KRT28: variants seen among roughly 807,000 people sequenced by gnomAD.
The protein encoded by KRT28 is keratin, type I cytoskeletal 28.
A neutral mutation model predicts 48.1 loss-of-function variants in KRT28; 45 were observed. The observed-to-expected ratio is 0.94, with a 90% CI of 0.74 to 1.20. The LOEUF is 1.20. Ranked by LOEUF, KRT28 falls within the 50% of genes most tolerant of loss-of-function variation. KRT28 has a pLI of 0.00. For synonymous variants in KRT28, 228 were observed against 227.4 expected (o/e 1.00, Z -0.03); for missense variants, 571 against 574.1 (o/e 0.99, Z 0.06).
In KRT28 at chr17:40,796,974, G is replaced by A; in HGVS notation, c.920C>T (p.Thr307Ile). ...GGTCTGCAGGGTGCGCCTCATCTCG[G>A]TGAGCTGGCTCCGGGCGAAAGTGGC... ...GAATFARSQL[T>I]EMRRTLQTLE... Residue 307 changes from threonine (T) to isoleucine (I), a missense_variant, in exon 5 of 8, where the codon ACC becomes ATC. Coordinates refer to ENST00000306658, the MANE Select transcript of KRT28 (RefSeq NM_181535.3). 1 of 1,613,054 alleles carries A rather than the reference G, an allele frequency of 6.2e-7. No individual in the cohort carries two copies. Among genetic ancestry groups the A allele is most frequent in the Non-Finnish European group, 8.5e-7 (1 of 1,179,834 alleles).
intron 4 of KRT28, 23 bp downstream of exon 4, chr17:40,797,097 C>CA: frequency 6.2e-7 from 1 of 1,612,252 alleles, no homozygotes; most frequent in Non-Finnish European, 8.5e-7. Context: ...GAGGTGTGAG[C>CA]AGGGAGACGG....
chr17:40,793,812 C>T lies in KRT28; in HGVS notation c.1196+17G>A, dbSNP rs560917307. ...TTAAAAGAGGTAAAAACTGGATTTT[C>T]AAATGGCTTTACTTACTTTCCATCT... On this transcript the variant is annotated intron_variant, in intron 6 of 7. Coordinates refer to ENST00000306658, the MANE Select transcript of KRT28 (RefSeq NM_181535.3). 2.5e-5 allele frequency: 41 copies of T among 1,613,506 alleles called. No individual in the cohort carries two copies. The highest frequency in any genetic ancestry group is 1.6e-4 in the South Asian group (15 of 91,046).
rs765020131 is a variant in KRT28 at position 40,796,991 on chromosome 17, G to A, written c.903C>T (p.Phe301=). 8 of 1,612,924 alleles carry A rather than the reference G, an allele frequency of 5.0e-6. No homozygotes were observed. The highest frequency in any genetic ancestry group is 3.3e-5 in the Admixed American group (2 of 59,926). ...TCATCTCGGTGAGCTGGCTCCGGGC[G>A]AAAGTGGCTGCGCCTGAGTCGTGGG... ...QISHDSGAAT[F]ARSQLTEMRR... is the part of the protein sequence containing the mutation. Residue 301 remains phenylalanine (F), a synonymous_variant, in exon 5 of 8, where the codon TTC becomes TTT. Coordinates refer to ENST00000306658, the MANE Select transcript of KRT28 (RefSeq NM_181535.3).
At position 40,799,539 on chromosome 17, in the gene KRT28, T is replaced by A. The variant is rs1230524913; in HGVS notation, c.355A>T (p.Lys119Ter). The change falls in exon 1 of 8, where the codon AAG becomes TAG. Residue 119 changes from lysine (K) to a stop codon, truncating the protein, a stop_gained. Transcript: ENST00000306658. LOFTEE classifies it high-confidence loss of function. ...EANAELERKI[K>*]GWYEKYGPGS... ...GGTCCGTATTTTTCATACCAACCCTTGATTTTTCTCTCTAATTCAGCATTT... is the reference window on the plus strand; with the variant it reads ...GGTCCGTATTTTTCATACCAACCCTAGATTTTTCTCTCTAATTCAGCATTT... 1 of 1,614,160 alleles carries A rather than the reference T, an allele frequency of 6.2e-7. No homozygotes were observed. Among genetic ancestry groups the A allele is most frequent in the South Asian group, 1.1e-5 (1 of 91,080 alleles).
chr17:40,793,004 G>T (rs933425394), intron 7 of KRT28, 151 bp downstream of exon 7: 27 of 528,328 alleles, frequency 5.1e-5, no homozygotes, highest in Middle Eastern at 5.2e-4. Context: ...AGAGGCTGGG[G>T]CAGGAGAATC....
rs1293213709 is a variant in KRT28 at position 40,797,015 on chromosome 17, G to C, written c.879C>G (p.Ser293=). ...CGAAAGTGGCTGCGCCTGAGTCGTG[G>C]GAGATCTGTTGCTGCAGCGAGGCGC... ...EKSASLQQQI[S]HDSGAATFAR... Residue 293 remains serine (S), a synonymous_variant, in exon 5 of 8, where the codon TCC becomes TCG. Coordinates refer to ENST00000306658, the MANE Select transcript of KRT28 (RefSeq NM_181535.3). The C allele has an allele frequency of 1.2e-6, 2 of 1,612,760 alleles. No homozygotes were observed. Among genetic ancestry groups the C allele is most frequent in the African/African-American group, 2.7e-5 (2 of 74,864 alleles).
chr17:40,793,202 G>A lies in KRT28; in HGVS notation c.1205C>T (p.Ser402Phe). ...TCCTGATCCAAAGCCCTTTGATTTGGAGCATGAACTGTAAAAGAAATATAG... is the reference window on the plus strand; with the variant it reads ...TCCTGATCCAAAGCCCTTTGATTTGAAGCATGAACTGTAAAAGAAATATAG... ...RLIDGDGNSCSKSKGFGSGSP... is the reference protein window; with the variant it reads ...RLIDGDGNSCFKSKGFGSGSP... The change falls in exon 7 of 8, where the codon TCC (serine) becomes TTC (phenylalanine). Residue 402 changes from serine (S) to phenylalanine (F), a missense_variant. Physicochemically the swap from Ser to Phe is radical, Grantham distance 155. Coordinates refer to ENST00000306658, the MANE Select transcript of KRT28 (RefSeq NM_181535.3). 2 of 1,552,054 alleles carry A rather than the reference G, an allele frequency of 1.3e-6. No homozygotes were observed. Among genetic ancestry groups the A allele is most frequent in the Non-Finnish European group, 1.7e-6 (2 of 1,147,634 alleles).
rs1375129201 is a variant in KRT28 at position 40,797,194 on chromosome 17, T to C, written c.778A>G (p.Asn260Asp). 3 of 1,614,104 alleles carry C rather than the reference T, an allele frequency of 1.9e-6. 1 individual carries two copies. In the Admixed American group the frequency reaches 5.0e-5, roughly 27 times the overall value. ...GCTTCGTACTCCGCTCGCATGTTGT[T>C]CAACAAAACCGCGAGGTCTACCCCC... ...APGVDLAVLL[N>D]NMRAEYEALA... The change falls in exon 4 of 8, where the codon AAC becomes GAC. Residue 260 changes from asparagine to aspartate, a missense_variant. Asn to Asp is a conservative substitution (Grantham distance 23). Coordinates refer to ENST00000306658, the MANE Select transcript of KRT28 (RefSeq NM_181535.3).
At position 40,799,016 on chromosome 17, in the gene KRT28, C is replaced by T; in HGVS notation, c.451-17G>A. 7.1e-7 allele frequency: 1 copy of T among 1,411,180 alleles called. No individual in the cohort carries two copies. Among genetic ancestry groups the T allele is most frequent in the African/African-American group, 1.4e-5 (1 of 70,556 alleles). 87.4% of individuals were successfully genotyped at this position (1,411,180 alleles called of 1,614,324 possible). ...GGAGATAATCTAGAATAAACCAAAA[C>T]AGAGAACACAACAAGTAAGTATGCT... On this transcript the variant is annotated splice_polypyrimidine_tract_variant and intron_variant, in intron 1 of 7. Coordinates refer to ENST00000306658, the MANE Select transcript of KRT28 (RefSeq NM_181535.3).
chr17:40,793,483 G>GT (rs1057329947), intron 6 of KRT28, among the ~76,000 whole-genome samples: 1 of 151,950 alleles, frequency 6.6e-6, no homozygotes, highest in African/African-American at 2.4e-5. Context: ...CAGGTGGTTT[G>GT]TACAGAGTAC....
intron 3 of KRT28, 66 bp from the exon 4 acceptor site, chr17:40,797,347 A>C: frequency 1.3e-6 from 2 of 1,484,106 alleles, no homozygotes; most frequent in East Asian, 2.3e-5. Context: ...AGAAGTTCTC[A>C]AACGTGTTAC....
In KRT28 at chr17:40,794,017, C is replaced by T. The variant is rs755769017; in HGVS notation, c.1008G>A (p.Glu336=). ...TKHSLECSLT[E]TESNYCTQLA... ...GCTGCGTACAGTAGTTGCTCTCGGT[C>T]TCTGTCAAGGAGCACTCCAGGGAGT... The change falls in exon 6 of 8, where the codon GAG becomes GAA. Residue 336 remains glutamate (E), a synonymous_variant. Coordinates refer to ENST00000306658, the MANE Select transcript of KRT28 (RefSeq NM_181535.3). The T allele has an allele frequency of 6.2e-7, 1 of 1,613,950 alleles. No homozygotes were observed. Among genetic ancestry groups the T allele is most frequent in the Non-Finnish European group, 8.5e-7 (1 of 1,179,870 alleles).
intron 5 of KRT28, among the ~76,000 whole-genome samples, chr17:40,796,014 C>T (rs1904605238): frequency 6.6e-6 from 1 of 152,168 alleles, no homozygotes; most frequent in Non-Finnish European, 1.5e-5. Flanking sequence ...AAACAAGTCT[C>T]CCATCTAAAT....
intron 7 of KRT28, 107 bp from the exon 8 acceptor site, chr17:40,792,676 A>G: frequency 1.3e-6 from 1 of 789,054 alleles, no homozygotes; most frequent in Non-Finnish European, 1.9e-6. Flanking sequence ...TGAGGGAGTA[A>G]GTATATATTT....
At chr17:40,794,362 A>G (rs2250681) in intron 5 of KRT28, among the ~76,000 whole-genome samples, 32,163 of 152,202 alleles carry the variant, frequency 0.21, 3,511 homozygotes, top group East Asian at 0.33. Flanking sequence ...GGGTAGCAGA[A>G]TAAAAAATCG....
At position 40,792,582 on chromosome 17, in the gene KRT28, C is replaced by T. The variant is rs1904517696; in HGVS notation, c.1253-13G>A. ...GTTTTGGATAAATCTAGAAATAAAA[C>T]ATAGGCATACATATATTCAACCAAA... On this transcript the variant is annotated splice_polypyrimidine_tract_variant and intron_variant, in intron 7 of 7. Transcript: ENST00000306658. 3 of 1,587,160 alleles carry T rather than the reference C, an allele frequency of 1.9e-6. No homozygotes were observed. In the Admixed American group the frequency reaches 5.3e-5, roughly 28 times the overall value.
rs141692659 is a variant in KRT28, at chr17:40,797,125, C to T, written c.847G>A (p.Glu283Lys). The T allele has an allele frequency of 6.2e-7, 1 of 1,613,634 alleles. No individual in the cohort carries two copies. Among genetic ancestry groups the T allele is most frequent in the Non-Finnish European group, 8.5e-7 (1 of 1,179,766 alleles). Residue 283 changes from glutamate to lysine, a missense_variant, in exon 4 of 8, where the codon GAG (glutamate) becomes AAG (lysine). Glu to Lys is a moderately conservative substitution (Grantham distance 56). Transcript: ENST00000306658. ...NRKDAEAWFN[E>K]KSASLQQQIS... ...GGAGACGGGGCCCACCTCACCTTCT[C>T]ATTGAACCAGGCCTCCGCGTCCTTG... is the stretch of plus-strand genomic sequence containing the variant.
chr17:40,797,446 C>T (rs181329592), intron 3 of KRT28, among the ~76,000 whole-genome samples, 165 bp from the exon 4 acceptor site: 1 of 152,288 alleles, frequency 6.6e-6, no homozygotes, highest in Admixed American at 6.5e-5. Context: ...TGCCAATCAT[C>T]TATTTAATTA....
chr17:40,797,426 TC>T, intron 3 of KRT28, 145 bp from the exon 4 acceptor site: 1 of 750,014 alleles, frequency 1.3e-6, no homozygotes, highest in Non-Finnish European at 2.1e-6. Context: ...ACATATTCGG[TC>T]CATATTCATG....
Sources: gnomAD v4.1 joint callset for allele counts (sites outside exome capture counted in the v4.1 genomes callset) on GRCh38, gnomAD v4.1.1 for gene constraint, MANE v1.5 for transcripts, NCBI Gene and HGNC (gene_info 2026-07-23, HGNC 2026-07-21) for gene names.